Variants in DCAF6 observed in about 807,000 individuals in gnomAD.
DCAF6 encodes the protein DDB1 and CUL4 associated factor 6.
A neutral mutation model predicts 125.1 loss-of-function variants in DCAF6; 54 were observed. The ratio of observed to expected loss-of-function variants is 0.43; its 90% CI spans 0.35 to 0.54. The LOEUF is 0.54. Ranked by LOEUF, DCAF6 falls within the 20% of genes least tolerant of loss-of-function variation. The pLI is 0.01. For missense variants in DCAF6, 934 were observed against 1,161.7 expected, an observed-to-expected ratio of 0.80 and a Z score of 2.85; for synonymous variants, 371 against 390.4, an observed-to-expected ratio of 0.95 and a Z score of 0.58.
At chr1:167,885,758 G>T in the DCAF6 span, among the ~76,000 whole-genome samples, 10 of 151,994 alleles carry the variant, frequency 6.6e-5, no homozygotes, top group Admixed American at 4.6e-4. Flanking sequence ...GGGATTACAG[G>T]CGCCCACCAC....
At chr1:168,057,215 A>C (rs1690984269) in intron 17 of DCAF6, among the ~76,000 whole-genome samples, 1 of 152,170 alleles carries the variant, frequency 6.6e-6, no homozygotes, top group Admixed American at 6.5e-5. Context: ...ACCATCTTGA[A>C]AATGGTATGC....
chr1:168,049,843 T>TA (rs1689665002), intron 16 of DCAF6, among the ~76,000 whole-genome samples: 1 of 150,036 alleles, frequency 6.7e-6, no homozygotes, highest in African/African-American at 2.5e-5. Context: ...TTTTAGTAGA[T>TA]ACGGGGTTTC....
At chr1:167,966,201 T>G (rs10918802) in intron 2 of DCAF6, among the ~76,000 whole-genome samples, 21,111 of 152,142 alleles carry the variant, frequency 0.14, 1,947 homozygotes, top group African/African-American at 0.26. Flanking sequence ...TTGTTGTTAG[T>G]ATGGAGTGGC....
chr1:168,056,835 A>G (rs943775747), intron 17 of DCAF6, among the ~76,000 whole-genome samples: 10 of 152,360 alleles, frequency 6.6e-5, no homozygotes, highest in African/African-American at 2.4e-4. Context: ...TATTCTAACT[A>G]CATTCTAGAC....
At chr1:167,995,427 C>G (rs1681504148) in intron 7 of DCAF6, among the ~76,000 whole-genome samples, 1 of 152,082 alleles carries the variant, frequency 6.6e-6, no homozygotes, top group Non-Finnish European at 1.5e-5. Flanking sequence ...CGCCTGTAAT[C>G]CTAGCACTTT....
At position 167,955,563 on chromosome 1, in the gene DCAF6, T is replaced by C. The variant is rs137863197; in HGVS notation, c.159+3702T>C. On this transcript the variant is annotated intron_variant, in intron 2 of 21. Coordinates refer to ENST00000367840, the MANE Select transcript of DCAF6 (RefSeq NM_001198956.2). ...ATTCTGGAAACTTCCTGAACTCTCA[T>C]ATTCATTCAAGTAGCTTTTTTTTTT... Among the ~76,000 whole-genome samples, 600 of 152,238 alleles carry C rather than the reference T, an allele frequency of 3.9e-3. 18 individuals carry two copies. The highest frequency in any genetic ancestry group is 0.037 in the Admixed American group (564 of 15,278).
the DCAF6 span, among the ~76,000 whole-genome samples, chr1:167,887,336 C>T: frequency 6.6e-6 from 1 of 152,162 alleles, no homozygotes; most frequent in African/African-American, 2.4e-5. Flanking sequence ...GAAAATGTGG[C>T]ATGTATACAC....
chr1:167,920,723 C>T, the DCAF6 span: 1 of 1,257,108 alleles, frequency 8.0e-7, no homozygotes, highest in South Asian at 1.7e-5. Flanking sequence ...TTTGAGATTT[C>T]CGTAAGTTAG....
chr1:167,995,490 G>A (rs574517169), intron 7 of DCAF6, among the ~76,000 whole-genome samples: 141 of 152,216 alleles, frequency 9.3e-4, no homozygotes, highest in Non-Finnish European at 1.7e-3. Flanking sequence ...GACCAACCTG[G>A]CCAACATGGT....
At chr1:167,952,826 A>G (rs960014243) in intron 2 of DCAF6, among the ~76,000 whole-genome samples, 3 of 152,086 alleles carry the variant, frequency 2.0e-5, no homozygotes, top group Admixed American at 6.5e-5. Flanking sequence ...AGGCATCCCA[A>G]ATTTAGCAGA....
chr1:168,012,630 C>T (rs1684457123), intron 10 of DCAF6, among the ~76,000 whole-genome samples: 1 of 152,216 alleles, frequency 6.6e-6, no homozygotes, highest in Non-Finnish European at 1.5e-5. Context: ...GCTAGCAGAA[C>T]TGTTATTTAG....
At chr1:167,937,514 G>C (rs1265431779) in intron 1 of DCAF6, among the ~76,000 whole-genome samples, 1 of 152,046 alleles carries the variant, frequency 6.6e-6, no homozygotes, top group Non-Finnish European at 1.5e-5. Flanking sequence ...TTTTTGCGGC[G>C]CTGAGCCAAA....
chr1:167,920,625 C>G, the DCAF6 span: 5 of 1,613,304 alleles, frequency 3.1e-6, no homozygotes, highest in African/African-American at 1.3e-5. Context: ...CCAGCACACA[C>G]CAACCCCTAC....
At chr1:167,876,858 T>C in the DCAF6 span, among the ~76,000 whole-genome samples, 2 of 152,192 alleles carry the variant, frequency 1.3e-5, no homozygotes, top group Admixed American at 6.5e-5. Context: ...AAAATGCTTT[T>C]GCATTGGGCC....
intron 2 of DCAF6, among the ~76,000 whole-genome samples, chr1:167,957,915 G>A (rs1040850385): frequency 3.3e-5 from 5 of 152,100 alleles, no homozygotes; most frequent in African/African-American, 1.2e-4. Context: ...ATGTGCATAT[G>A]AAGGTATGAG....
the DCAF6 span, among the ~76,000 whole-genome samples, chr1:167,886,438 G>T: frequency 6.6e-6 from 1 of 152,126 alleles, no homozygotes; most frequent in Non-Finnish European, 1.5e-5. Flanking sequence ...AAAAAGACAA[G>T]AAATAGGGAA....
At chr1:167,923,212 T>C in the DCAF6 span, among the ~76,000 whole-genome samples, 1 of 152,310 alleles carries the variant, frequency 6.6e-6, no homozygotes, top group South Asian at 2.1e-4. Context: ...TAAGAAGAAT[T>C]AAAAGTATTG....
chr1:167,937,843 C>T (rs1230367093), intron 1 of DCAF6, among the ~76,000 whole-genome samples: 1 of 151,912 alleles, frequency 6.6e-6, no homozygotes, highest in African/African-American at 2.4e-5. Flanking sequence ...TTGTTTCTTC[C>T]TGTATACTCT....
intron 7 of DCAF6, among the ~76,000 whole-genome samples, chr1:167,997,498 T>C (rs979096861): frequency 6.6e-6 from 1 of 150,818 alleles, no homozygotes; most frequent in Non-Finnish European, 1.5e-5. Flanking sequence ...TAATATGGAA[T>C]TTATGGGGAT....
Sources: gnomAD v4.1 joint callset for allele counts (sites outside exome capture counted in the v4.1 genomes callset) on GRCh38, gnomAD v4.1.1 for gene constraint, MANE v1.5 for transcripts, NCBI Gene and HGNC (gene_info 2026-07-23, HGNC 2026-07-21) for gene names.